The following GUCY1A2 variants were observed in gnomAD, a reference collection of about 807,000 sequenced individuals.
GUCY1A2 encodes the protein guanylate cyclase soluble subunit alpha-2.
A neutral mutation model predicts 63.5 loss-of-function variants in GUCY1A2; 27 were observed. The observed-to-expected ratio is 0.43, with a 90% confidence interval of 0.31 to 0.59. GUCY1A2 has a LOEUF of 0.59. Ranked by LOEUF, GUCY1A2 falls within the 20% of genes least tolerant of loss-of-function variation. The pLI is 0.11. For missense variants in GUCY1A2, 768 were observed against 913.3 expected, an observed-to-expected ratio of 0.84 and a Z score of 2.05; for synonymous variants, 364 against 343.5, an observed-to-expected ratio of 1.06 and a Z score of -0.66.
chr11:106,727,547 A>G (rs1292469781), intron 6 of GUCY1A2, among the ~76,000 whole-genome samples: 7 of 152,302 alleles, frequency 4.6e-5, no homozygotes, highest in Admixed American at 2.6e-4. Flanking sequence ...AGAATTTTCA[A>G]TCTACTAAAC....
chr11:106,982,455 T>TG lies in GUCY1A2; in HGVS notation c.365+3614dup, dbSNP rs560468055. Among the ~76,000 whole-genome samples the TG allele has an allele frequency of 1.1e-4, 16 of 152,192 alleles. No homozygotes were observed. The East Asian group carries it at 2.7e-3, about 26-fold the overall frequency. On this transcript the variant is annotated intron_variant, in intron 2 of 7. Coordinates refer to ENST00000526355, the MANE Select transcript of GUCY1A2 (RefSeq NM_000855.3). ...TAAAGATGCACATTCAATGCCCCCT[T>TG]GCTCATTCTAGGTGGAGGAAAGACA...
intron 4 of GUCY1A2, among the ~76,000 whole-genome samples, chr11:106,917,717 C>G (rs1860386544): frequency 7.6e-6 from 1 of 132,132 alleles, no homozygotes; most frequent in Admixed American, 8.3e-5. Flanking sequence ...ACCGCATGTT[C>G]TCACTCATAG....
At chr11:106,695,363 A>C (rs1392767459) in intron 7 of GUCY1A2, among the ~76,000 whole-genome samples, 1 of 152,176 alleles carries the variant, frequency 6.6e-6, no homozygotes, top group Admixed American at 6.6e-5. Context: ...CTTAATTAGA[A>C]ATTTCTGTTG....
chr11:106,726,175 G>A (rs1249456266), intron 6 of GUCY1A2, among the ~76,000 whole-genome samples: 2 of 152,178 alleles, frequency 1.3e-5, no homozygotes, highest in East Asian at 3.8e-4. Flanking sequence ...AGCAATTTGG[G>A]AGGCTGAAGC....
chr11:106,897,902 A>G (rs1860074014), intron 4 of GUCY1A2, among the ~76,000 whole-genome samples: 1 of 152,150 alleles, frequency 6.6e-6, no homozygotes, highest in Non-Finnish European at 1.5e-5. Context: ...AAACAATATA[A>G]AGAGAATGAA....
At chr11:106,853,058 T>G (rs1220332339) in intron 4 of GUCY1A2, among the ~76,000 whole-genome samples, 1 of 152,192 alleles carries the variant, frequency 6.6e-6, no homozygotes, top group Non-Finnish European at 1.5e-5. Context: ...TCTTTTCTCT[T>G]GCTGTTTGTA....
chr11:106,990,616 G>A (rs1191582701), intron 1 of GUCY1A2, among the ~76,000 whole-genome samples: 3 of 152,226 alleles, frequency 2.0e-5, no homozygotes, highest in African/African-American at 7.2e-5. Flanking sequence ...CACGCGCAGC[G>A]TGAAACACAG....
At position 106,870,994 on chromosome 11, in the gene GUCY1A2, G is replaced by T. The variant is rs982251802; in HGVS notation, c.1207-60516C>A. On this transcript the variant is annotated intron_variant, in intron 4 of 7. Coordinates refer to ENST00000526355, the MANE Select transcript of GUCY1A2 (RefSeq NM_000855.3). ...AGTGATATTTTCATTGGCTTATTAT[G>T]ATAAGCTTCTCAAGTCCAAGGACCA... 2.8e-4 allele frequency among the ~76,000 whole-genome samples: 43 copies of T among 152,180 alleles called. 1 individual carries two copies. Among genetic ancestry groups the T allele is most frequent in the Admixed American group, 2.5e-3 (38 of 15,262 alleles).
chr11:106,685,090 C>T lies in GUCY1A2; in HGVS notation c.*2459G>A, dbSNP rs778098734. 1.3e-4 allele frequency: 27 copies of T among 207,626 alleles called. No individual in the cohort carries two copies. The highest frequency in any genetic ancestry group is 2.4e-4 in the Non-Finnish European group (24 of 102,002). 12.9% of individuals were successfully genotyped at this position (207,626 alleles called of 1,614,324 possible). Reference sequence around the variant, plus strand: ...TTAGCAAAATGATAACAAATTGGACCATTATCTCGGACTATAGCTGTGAAA... The same window carrying T: ...TTAGCAAAATGATAACAAATTGGACTATTATCTCGGACTATAGCTGTGAAA... On this transcript the variant is annotated 3_prime_UTR_variant, in exon 8 of 8. Coordinates refer to ENST00000526355, the MANE Select transcript of GUCY1A2 (RefSeq NM_000855.3).
chr11:106,991,039 G>C (rs1861463965), intron 1 of GUCY1A2, among the ~76,000 whole-genome samples: 1 of 152,092 alleles, frequency 6.6e-6, no homozygotes, highest in African/African-American at 2.4e-5. Flanking sequence ...GCCCAAGCTG[G>C]AGTGCAATGG....
chr11:106,836,423 C>G (rs1459982383), intron 4 of GUCY1A2, among the ~76,000 whole-genome samples: 1 of 151,946 alleles, frequency 6.6e-6, no homozygotes, highest in Non-Finnish European at 1.5e-5. Flanking sequence ...TTTACATTGT[C>G]TGTTTACAAG....
chr11:107,012,052 A>G (rs1417197697), intron 1 of GUCY1A2, among the ~76,000 whole-genome samples: 1 of 152,140 alleles, frequency 6.6e-6, no homozygotes, highest in African/African-American at 2.4e-5. Context: ...TACCAAATAT[A>G]TATGTCCTTG....
At chr11:106,809,903 A>C (rs1483217870) in intron 5 of GUCY1A2, 90 bp downstream of exon 5, 1 of 789,746 alleles carries the variant, frequency 1.3e-6, no homozygotes, top group Non-Finnish European at 2.0e-6. Flanking sequence ...TCAATTATTT[A>C]GTATCAAGTT....
chr11:106,929,601 C>T (rs1860574872), intron 4 of GUCY1A2, among the ~76,000 whole-genome samples: 1 of 152,066 alleles, frequency 6.6e-6, no homozygotes. Context: ...ATAACGTGAT[C>T]ATATTATTTA....
intron 6 of GUCY1A2, among the ~76,000 whole-genome samples, chr11:106,760,362 T>C (rs1407521689): frequency 6.6e-6 from 1 of 152,182 alleles, no homozygotes; most frequent in Non-Finnish European, 1.5e-5. Context: ...GATTATGTAG[T>C]TGGAACAATT....
chr11:106,740,266 G>C (rs1032137653), intron 6 of GUCY1A2, among the ~76,000 whole-genome samples: 2 of 151,738 alleles, frequency 1.3e-5, no homozygotes, highest in African/African-American at 4.8e-5. Flanking sequence ...TCCCAACAAT[G>C]TGCTGTGATT....
chr11:106,796,375 T>G (rs1864760647), intron 5 of GUCY1A2, among the ~76,000 whole-genome samples: 1 of 152,194 alleles, frequency 6.6e-6, no homozygotes, highest in African/African-American at 2.4e-5. Flanking sequence ...ATTTTGCTCG[T>G]TAGTTGCTGC....
Position 106,675,742 on chromosome 11 carries a change from G to A in GUCY1A2, c.*11807C>T, listed in dbSNP as rs1238406706. On this transcript the variant is annotated 3_prime_UTR_variant, in exon 8 of 8. Transcript: ENST00000526355. ...TCAAGACAAAGGTTTTCTTAACAGT[G>A]AAAATCACAGGAAGAAAGTAATCAG... 5.2e-6 allele frequency: 1 copy of A among 190,728 alleles called. No individual in the cohort carries two copies. Among genetic ancestry groups the A allele is most frequent in the Non-Finnish European group, 1.1e-5 (1 of 90,992 alleles). 11.8% of individuals were successfully genotyped at this position (190,728 alleles called of 1,614,324 possible).
chr11:106,823,326 A>G (rs756675989), intron 4 of GUCY1A2, among the ~76,000 whole-genome samples: 8 of 152,136 alleles, frequency 5.3e-5, no homozygotes, highest in Non-Finnish European at 8.8e-5. Flanking sequence ...GTGCAGACTT[A>G]TAAGTGAGAA....
Sources: gnomAD v4.1 joint callset for allele counts (sites outside exome capture counted in the v4.1 genomes callset) on GRCh38, gnomAD v4.1.1 for gene constraint, MANE v1.5 for transcripts, NCBI Gene and HGNC (gene_info 2026-07-23, HGNC 2026-07-21) for gene names.